The following FER variants were observed in gnomAD, a reference collection of about 807,000 sequenced individuals.
FER encodes tyrosine-protein kinase Fer.
In FER, 63 loss-of-function variants were observed where a neutral mutation model predicts 111.0. That is an observed-to-expected ratio of 0.57 (90% confidence interval 0.46 to 0.70). The LOEUF is 0.70. FER is among the 30% of genes least tolerant of loss of function. The probability of loss-of-function intolerance (pLI) is 0.00; values close to 1 mark genes in which losing one functional copy is unlikely to be tolerated. For missense variants in FER, 914 were observed against 954.0 expected, an observed-to-expected ratio of 0.96 and a Z score of 0.55; for synonymous variants, 327 against 313.9, an observed-to-expected ratio of 1.04 and a Z score of -0.44.
rs555322972 is a variant in FER at position 109,006,685 on chromosome 5, T to TG, written c.1657-30731dup. The stretch of plus-strand genomic sequence containing the variant: ...AAAACTATAACAAAAATAGGAAGGG[T>TG]GGGGGGAGAATTGTTATTTACATGT... On this transcript the variant is annotated intron_variant, in intron 13 of 19. Transcript: ENST00000281092. 8.9e-4 allele frequency among the ~76,000 whole-genome samples: 135 copies of TG among 152,048 alleles called. 1 individual carries two copies. Among genetic ancestry groups the TG allele is most frequent in the African/African-American group, 2.7e-3 (114 of 41,482 alleles).
chr5:108,960,608 T>C (rs903783238), intron 13 of FER, among the ~76,000 whole-genome samples: 1 of 152,126 alleles, frequency 6.6e-6, no homozygotes, highest in African/African-American at 2.4e-5. Context: ...AATGCTGTTA[T>C]AGAATTCTAA....
chr5:108,855,490 G>GGCA (rs750483284), intron 5 of FER, among the ~76,000 whole-genome samples: 2 of 151,532 alleles, frequency 1.3e-5, no homozygotes, highest in Non-Finnish European at 2.9e-5. Context: ...GCGCGGTGGT[G>GGCA]GGCGCCTGTA....
At chr5:109,035,983 A>G (rs1159783652) in intron 13 of FER, among the ~76,000 whole-genome samples, 2 of 152,124 alleles carry the variant, frequency 1.3e-5, no homozygotes, top group African/African-American at 4.8e-5. Context: ...GTTTTACACA[A>G]TTTCTTGAGC....
chr5:108,780,295 A>C (rs1753912605), intron 2 of FER, among the ~76,000 whole-genome samples: 1 of 151,846 alleles, frequency 6.6e-6, no homozygotes, highest in African/African-American at 2.4e-5. Context: ...CTGGCAACAA[A>C]TTCCCTCAAT....
chr5:109,169,992 T>G (rs1017833916), intron 17 of FER, among the ~76,000 whole-genome samples: 3 of 152,200 alleles, frequency 2.0e-5, no homozygotes, highest in Non-Finnish European at 4.4e-5. Context: ...ATTTATTCAT[T>G]AGTAGCTGAA....
At chr5:108,793,528 T>A (rs200281492) in intron 2 of FER, among the ~76,000 whole-genome samples, 36 of 92,766 alleles carry the variant, frequency 3.9e-4, no homozygotes, top group Non-Finnish European at 6.2e-4. Context: ...GCGGGGGGGG[T>A]GGTTATATAC....
At chr5:108,923,095 G>A (rs1581215383) in intron 10 of FER, among the ~76,000 whole-genome samples, 1 of 152,172 alleles carries the variant, frequency 6.6e-6, no homozygotes, top group Middle Eastern at 3.4e-3. Context: ...TAGGGTTAAT[G>A]TGGGGAGTTA....
chr5:108,899,716 A>C (rs949375878), intron 10 of FER, among the ~76,000 whole-genome samples: 5 of 151,942 alleles, frequency 3.3e-5, no homozygotes, highest in African/African-American at 1.2e-4. Flanking sequence ...AGGTGGGAGA[A>C]TCATTTGAAC....
At chr5:109,147,800 T>TATATAGAGAG (rs1487827199) in intron 17 of FER, among the ~76,000 whole-genome samples, 2 of 118,566 alleles carry the variant, frequency 1.7e-5, no homozygotes. Context: ...TATATATATA[T>TATATAGAGAG]AGAGAGAGAG....
At chr5:108,757,526 G>A (rs1421982982) in intron 1 of FER, among the ~76,000 whole-genome samples, 1 of 151,986 alleles carries the variant, frequency 6.6e-6, no homozygotes, top group Middle Eastern at 3.2e-3. Flanking sequence ...TGATCTTGAC[G>A]CACATCAATC....
At chr5:108,867,993 T>C (rs1351796571) in intron 6 of FER, 43 bp downstream of exon 6, 1 of 1,553,884 alleles carries the variant, frequency 6.4e-7, no homozygotes, top group South Asian at 1.2e-5. Context: ...CTTCACAAAA[T>C]GATTTCAACA....
At chr5:109,064,811 T>C (rs1489357054) in intron 16 of FER, among the ~76,000 whole-genome samples, 4 of 152,216 alleles carry the variant, frequency 2.6e-5, no homozygotes, top group Non-Finnish European at 4.4e-5. Flanking sequence ...GTAGGAGTTA[T>C]GAATACATAT....
intron 17 of FER, among the ~76,000 whole-genome samples, chr5:109,144,896 T>A (rs1362779510): frequency 6.6e-6 from 1 of 152,132 alleles, no homozygotes; most frequent in Non-Finnish European, 1.5e-5. Context: ...GTATTTAATT[T>A]GTTACAGTTT....
chr5:108,816,740 G>A (rs1758318867), intron 3 of FER, among the ~76,000 whole-genome samples: 2 of 152,058 alleles, frequency 1.3e-5, no homozygotes, highest in Non-Finnish European at 2.9e-5. Context: ...CTGATGTATA[G>A]ACCCCATCCA....
intron 16 of FER, among the ~76,000 whole-genome samples, chr5:109,086,868 A>G (rs1484499651): frequency 6.6e-6 from 1 of 151,016 alleles, no homozygotes; most frequent in African/African-American, 2.4e-5. Flanking sequence ...TTAAAATGTC[A>G]GCAGAGTTGG....
In FER at chr5:109,028,184, T is replaced by C. The variant is rs150421227; in HGVS notation, c.1657-9238T>C. ...AACTCTGCCAGTTATATTGACATAC[T>C]TGATTACAACTGTAAAGCTTTTTGT... On this transcript the variant is annotated intron_variant, in intron 13 of 19. Coordinates refer to ENST00000281092, the MANE Select transcript of FER (RefSeq NM_005246.4). 5.0e-4 allele frequency among the ~76,000 whole-genome samples: 76 copies of C among 152,342 alleles called. No homozygotes were observed. In the East Asian group the frequency reaches 0.014, roughly 28 times the overall value.
rs745667657 is a variant in FER, at chr5:108,798,141, G to C, written c.-42G>C. On this transcript the variant is annotated 5_prime_UTR_variant, in exon 3 of 20. Transcript: ENST00000281092. Reference sequence around the variant, plus strand: ...ATACACAGATATGTGCTGATTAGAAGGCTCACTTGTGCAGTGTGGAGGATA... The same window carrying C: ...ATACACAGATATGTGCTGATTAGAACGCTCACTTGTGCAGTGTGGAGGATA... 2 of 1,467,610 alleles carry C rather than the reference G, an allele frequency of 1.4e-6. No individual in the cohort carries two copies. The highest frequency in any genetic ancestry group is 1.7e-5 in the Admixed American group (1 of 58,906). 90.9% of individuals were successfully genotyped at this position (1,467,610 alleles called of 1,614,324 possible). A position where few individuals can be genotyped will look rare whatever the true frequency, so the allele number is the denominator to read the frequency against.
At chr5:109,046,966 C>T in intron 15 of FER, 138 bp from the exon 16 acceptor site, 1 of 518,948 alleles carries the variant, frequency 1.9e-6, no homozygotes, top group Non-Finnish European at 3.4e-6. Flanking sequence ...TCCAATTTAT[C>T]ATAATTTGGG....
chr5:108,942,212 T>C (rs1273483437), intron 10 of FER, among the ~76,000 whole-genome samples: 1 of 152,126 alleles, frequency 6.6e-6, no homozygotes, highest in Admixed American at 6.6e-5. Flanking sequence ...GGGTCTTATT[T>C]CCCTAGAGAC....
Sources: gnomAD v4.1 joint callset for allele counts (sites outside exome capture counted in the v4.1 genomes callset) on GRCh38, gnomAD v4.1.1 for gene constraint, MANE v1.5 for transcripts, NCBI Gene and HGNC (gene_info 2026-07-23, HGNC 2026-07-21) for gene names.